Variants in MPPED2 observed in about 807,000 individuals in gnomAD.
The protein encoded by MPPED2 is metallophosphoesterase domain containing 2, also known as metallophosphoesterase MPPED2.
A neutral mutation model predicts 33.0 loss-of-function variants in MPPED2; 5 were observed. The observed-to-expected ratio is 0.15, with a 90% confidence interval of 0.08 to 0.32. MPPED2 has a LOEUF of 0.32. Ranked by LOEUF, MPPED2 falls within the 10% of genes least tolerant of loss-of-function variation. MPPED2 has a pLI of 1.00. For synonymous variants in MPPED2, 136 were observed against 141.9 expected (o/e 0.96, Z 0.29); for missense variants, 275 against 372.1 (o/e 0.74, Z 2.15).
chr11:30,409,504 G>A (rs1590167304), downstream of MPPED2, among the ~76,000 whole-genome samples: 1 of 152,218 alleles, frequency 6.6e-6, no homozygotes, highest in East Asian at 1.9e-4. Flanking sequence ...AACAGACCAA[G>A]ATGGTTACAT....
At chr11:30,562,904 A>G (rs2134733632) in intron 2 of MPPED2, among the ~76,000 whole-genome samples, 1 of 152,076 alleles carries the variant, frequency 6.6e-6, no homozygotes, top group East Asian at 1.9e-4. Flanking sequence ...GTCTCTGTAA[A>G]CAGGCAAGAC....
Position 30,580,483 on chromosome 11 carries a change from C to A in MPPED2, c.-110G>T, listed in dbSNP as rs527295584. Reference sequence around the variant, plus strand: ...AATCCAAGGATCTACTCATCAATACCGCTGTGCATTTCTGAAAGAAAAAAA... The same window carrying A: ...AATCCAAGGATCTACTCATCAATACAGCTGTGCATTTCTGAAAGAAAAAAA... On this transcript the variant is annotated 5_prime_UTR_variant, in exon 2 of 7. Coordinates refer to ENST00000358117, the MANE Select transcript of MPPED2 (RefSeq NM_001584.3). 2.0e-6 allele frequency: 3 copies of A among 1,464,694 alleles called. No homozygotes were observed. Among genetic ancestry groups the A allele is most frequent in the Non-Finnish European group, 2.7e-6 (3 of 1,103,466 alleles). The allele number at this position is 1,464,694 out of a possible 1,614,324, so 90.7% of individuals were successfully genotyped here. A position where few individuals can be genotyped will look rare whatever the true frequency, so the allele number is the denominator to read the frequency against.
intron 6 of MPPED2, among the ~76,000 whole-genome samples, chr11:30,402,377 G>T (rs1565034552): frequency 1.3e-5 from 2 of 152,166 alleles, no homozygotes; most frequent in Non-Finnish European, 2.9e-5. Flanking sequence ...TCTTCTTTGA[G>T]AGTAACATCC....
intron 2 of MPPED2, among the ~76,000 whole-genome samples, chr11:30,542,954 T>C (rs1030531687): frequency 2.0e-5 from 3 of 152,188 alleles, no homozygotes; most frequent in Non-Finnish European, 4.4e-5. Context: ...CAACCATTAA[T>C]ATCTAGAGAG....
chr11:30,472,053 C>T (rs997966222), intron 4 of MPPED2, among the ~76,000 whole-genome samples: 1 of 152,188 alleles, frequency 6.6e-6, no homozygotes, highest in Non-Finnish European at 1.5e-5. Flanking sequence ...GGTATATCTA[C>T]AGAATATGTC....
chr11:30,562,581 C>T (rs574608316), intron 2 of MPPED2, among the ~76,000 whole-genome samples: 22 of 152,226 alleles, frequency 1.4e-4, no homozygotes, highest in African/African-American at 4.6e-4. Flanking sequence ...TAGACATGTT[C>T]TTGAATTCTT....
At chr11:30,388,000 C>A (rs972750331) in exon 7 of MPPED2, 35 of 152,148 alleles carry the variant, frequency 2.3e-4, no homozygotes, top group African/African-American at 8.2e-4. Context: ...ATTTAATAAT[C>A]GCAGATGGAG....
chr11:30,497,602 A>G (rs937496854), intron 3 of MPPED2, among the ~76,000 whole-genome samples: 2 of 152,064 alleles, frequency 1.3e-5, no homozygotes, highest in Admixed American at 6.6e-5. Flanking sequence ...GGGTTTCTCA[A>G]TTTATCCTCG....
At chr11:30,395,685 C>G (rs1013480083) in intron 6 of MPPED2, among the ~76,000 whole-genome samples, 1 of 152,150 alleles carries the variant, frequency 6.6e-6, no homozygotes, top group African/African-American at 2.4e-5. Context: ...AGTTAATAAT[C>G]TAAGAGTAGA....
At chr11:30,485,481 A>ACATAT (rs1951701956) in intron 4 of MPPED2, among the ~76,000 whole-genome samples, 1 of 34,372 alleles carries the variant, frequency 2.9e-5, no homozygotes. Context: ...AAGGTAAATA[A>ACATAT]GTTCTAAATA....
At chr11:30,388,233 G>C (rs193234687) in exon 7 of MPPED2, 1 of 152,346 alleles carries the variant, frequency 6.6e-6, no homozygotes, top group African/African-American at 2.4e-5. Flanking sequence ...CTTTGGTGGC[G>C]ACGCTCCATT....
At position 30,479,828 on chromosome 11, in the gene MPPED2, T is replaced by TA. The variant is rs534134239; in HGVS notation, c.536+15467dup. The stretch of plus-strand genomic sequence containing the variant: ...TTATAAAAGTGCCTTTTTTAGAAAA[T>TA]AAAAAAAAGAGAGAGAGACTGAGAA... On this transcript the variant is annotated intron_variant, in intron 4 of 6. Transcript: ENST00000358117. 3.3e-3 allele frequency among the ~76,000 whole-genome samples: 493 copies of TA among 151,482 alleles called. 4 individuals carry two copies. Among genetic ancestry groups the TA allele is most frequent in the Non-Finnish European group, 4.7e-3 (318 of 67,776 alleles).
chr11:30,518,225 C>T (rs1953648322), intron 3 of MPPED2, among the ~76,000 whole-genome samples: 1 of 152,154 alleles, frequency 6.6e-6, no homozygotes, highest in Non-Finnish European at 1.5e-5. Context: ...CTGTCTGCTG[C>T]CCAACATGCA....
intron 2 of MPPED2, among the ~76,000 whole-genome samples, chr11:30,543,473 C>T (rs1463892388): frequency 1.3e-5 from 2 of 152,198 alleles, no homozygotes; most frequent in African/African-American, 4.8e-5. Context: ...ACACAGTTTA[C>T]ACACCACTAT....
intron 6 of MPPED2, among the ~76,000 whole-genome samples, chr11:30,401,843 G>A (rs1765137): frequency 2.8e-5 from 4 of 142,822 alleles, no homozygotes; most frequent in African/African-American, 7.6e-5. Context: ...CGCTACCATG[G>A]CCAGCTAATT....
chr11:30,427,743 A>T (rs755956198), intron 4 of MPPED2, among the ~76,000 whole-genome samples: 1 of 152,228 alleles, frequency 6.6e-6, no homozygotes, highest in Non-Finnish European at 1.5e-5. Flanking sequence ...AAACAGACGG[A>T]CATGCCTAAT....
intron 6 of MPPED2, among the ~76,000 whole-genome samples, chr11:30,401,549 G>A (rs1017561996): frequency 6.6e-6 from 1 of 152,144 alleles, no homozygotes; most frequent in Non-Finnish European, 1.5e-5. Flanking sequence ...GGCTAAAACC[G>A]AATATTTTTA....
At chr11:30,476,768 A>C (rs1951223173) in intron 4 of MPPED2, among the ~76,000 whole-genome samples, 1 of 152,032 alleles carries the variant, frequency 6.6e-6, no homozygotes, top group African/African-American at 2.4e-5. Context: ...GTTTATTTTC[A>C]AAGCCCAAAA....
chr11:30,451,360 T>G (rs1159356214), intron 4 of MPPED2, among the ~76,000 whole-genome samples: 1 of 152,220 alleles, frequency 6.6e-6, no homozygotes, highest in African/African-American at 2.4e-5. Context: ...TGTCAAGACT[T>G]AGAAATGCAA....
Sources: allele counts gnomAD v4.1 joint callset (sites outside exome capture counted in the v4.1 genomes callset), GRCh38; gene constraint gnomAD v4.1.1; transcripts MANE v1.5; gene names NCBI Gene and HGNC (gene_info 2026-07-23, HGNC 2026-07-21).